The following FHIP1B variants were observed in gnomAD, a reference collection of about 807,000 sequenced individuals.
FHIP1B encodes the protein FHF complex subunit HOOK-interacting protein 1B.
Under a neutral mutation model 82.2 loss-of-function variants are expected in FHIP1B, and 28 were observed. The ratio of observed to expected loss-of-function variants is 0.34; its 90% CI spans 0.25 to 0.47. FHIP1B has a LOEUF of 0.47. FHIP1B is among the 20% of genes least tolerant of loss of function. FHIP1B has a pLI of 1.00. For missense variants in FHIP1B, 1,110 were observed against 1,262.6 expected, an observed-to-expected ratio of 0.88 and a Z score of 1.83; for synonymous variants, 585 against 516.1, an observed-to-expected ratio of 1.13 and a Z score of -1.81.
intron 1 of FHIP1B, among the ~76,000 whole-genome samples, chr11:6,232,801 A>G (rs996906714): frequency 1.3e-5 from 2 of 152,190 alleles, no homozygotes; most frequent in African/African-American, 4.8e-5. Context: ...TATAGAAATA[A>G]TTTTTAAAAT....
At chr11:6,225,098 A>C (rs1490783735) in intron 1 of FHIP1B, among the ~76,000 whole-genome samples, 1 of 152,226 alleles carries the variant, frequency 6.6e-6, no homozygotes, top group Admixed American at 6.5e-5. Flanking sequence ...AGAGTTATCA[A>C]AACAACCAGA....
intron 1 of FHIP1B, among the ~76,000 whole-genome samples, chr11:6,230,788 C>T (rs1847677706): frequency 6.6e-6 from 1 of 152,222 alleles, no homozygotes; most frequent in Non-Finnish European, 1.5e-5. Flanking sequence ...GGAAAGTTCA[C>T]TGGGCAGAGA....
chr11:6,221,971 A>G (rs1437513835), intron 6 of FHIP1B, among the ~76,000 whole-genome samples: 3 of 152,228 alleles, frequency 2.0e-5, no homozygotes. Flanking sequence ...GAAAGTAGAT[A>G]GGTGGGTGGA....
chr11:6,229,935 C>G (rs1008215918), intron 1 of FHIP1B, among the ~76,000 whole-genome samples: 59 of 150,948 alleles, frequency 3.9e-4, no homozygotes, highest in African/African-American at 1.4e-3. Context: ...AGGTTAAAAT[C>G]ACCACCCTCT....
rs1220902805 is a variant in FHIP1B, at chr11:6,223,641, C to T, written c.746G>A (p.Arg249His). ...ALSAGSPTVG[R>H]YIADHSYFCP... is the part of the protein sequence containing the mutation. The stretch of plus-strand genomic sequence containing the variant: ...GAAGTAAGAGTGATCCGCGATGTAG[C>T]GGCCCACAGTGGGGCTCCCAGCTGA... Residue 249 changes from arginine (R) to histidine (H), a missense_variant, in exon 3 of 12, where the codon CGC (arginine) becomes CAC (histidine). Arg to His is a conservative substitution (Grantham distance 29). Coordinates refer to ENST00000449352, the MANE Select transcript of FHIP1B (RefSeq NM_001098794.2). The surrounding 1 kb of genome is among the most constrained non-coding windows in gnomAD (Gnocchi z 4.8). 20 of 1,606,420 alleles carry T rather than the reference C, an allele frequency of 1.2e-5. No homozygotes were observed. Among genetic ancestry groups the T allele is most frequent in the East Asian group, 2.2e-5 (1 of 44,804 alleles).
chr11:6,211,501 G>A lies in FHIP1B; in HGVS notation c.*5C>T. On this transcript the variant is annotated 3_prime_UTR_variant, in exon 12 of 12. Coordinates refer to ENST00000449352, the MANE Select transcript of FHIP1B (RefSeq NM_001098794.2). ...CCCATGGCCCTGATTGTCCATGGAA[G>A]AAAGTTAAGGATTGAGGGGCCCACA... The A allele has an allele frequency of 1.3e-6, 2 of 1,573,734 alleles. No individual in the cohort carries two copies. The highest frequency in any genetic ancestry group is 1.7e-6 in the Non-Finnish European group (2 of 1,163,356).
Position 6,218,143 on chromosome 11 carries a change from T to A in FHIP1B, c.1443A>T (p.Gly481=). Residue 481 remains glycine, a synonymous_variant, in exon 9 of 12, where the codon GGA becomes GGT. Coordinates refer to ENST00000449352, the MANE Select transcript of FHIP1B (RefSeq NM_001098794.2). ...CAGAAGAGGAGTCCACACTTGGGCT[T>A]CCAGGACCTGCAAAGGGAAAAAATA... ...PEHASWARGP[G]SPSVDSSSVT... is the part of the protein sequence containing the mutation. The A allele has an allele frequency of 6.2e-7, 1 of 1,610,808 alleles. No homozygotes were observed. Among genetic ancestry groups the A allele is most frequent in the Non-Finnish European group, 8.5e-7 (1 of 1,178,472 alleles).
chr11:6,220,403 G>A (rs1254721566), intron 6 of FHIP1B, among the ~76,000 whole-genome samples: 1 of 152,148 alleles, frequency 6.6e-6, no homozygotes, highest in Non-Finnish European at 1.5e-5. Flanking sequence ...GCGAGATCCA[G>A]GTCATACATA....
Position 6,223,880 on chromosome 11 carries a change from G to A in FHIP1B, c.507C>T (p.Ser169=). The change falls in exon 3 of 12, where the codon AGC becomes AGT. Residue 169 remains serine (S), a synonymous_variant. Transcript: ENST00000449352. This position sits in a 1 kb window ranked among gnomAD's most constrained non-coding sequence, Gnocchi z 4.8. ...LDACGRPVPS[S]PALDEGLVLL... is the part of the protein sequence containing the mutation. ...GCACCAAGCCTTCATCCAGTGCTGG[G>A]CTACTGGGCACAGGGCGGCCACAGG... is the stretch of plus-strand genomic sequence containing the variant. 1 of 1,614,226 alleles carries A rather than the reference G, an allele frequency of 6.2e-7. No individual in the cohort carries two copies. Among genetic ancestry groups the A allele is most frequent in the Non-Finnish European group, 8.5e-7 (1 of 1,180,038 alleles).
At chr11:6,212,744 A>G (rs1847108033) in intron 11 of FHIP1B, among the ~76,000 whole-genome samples, 1 of 152,234 alleles carries the variant, frequency 6.6e-6, no homozygotes, top group Non-Finnish European at 1.5e-5. Context: ...TAAATTTGGC[A>G]TTCAGAGCCC....
Position 6,224,726 on chromosome 11 carries a change from A to C in FHIP1B, c.-191-19T>G. The stretch of plus-strand genomic sequence containing the variant: ...TCTAAATCTAATTCAGAGAAGAGAT[A>C]ATGGAAGGGATAAATAGAAGCTCAC... On this transcript the variant is annotated intron_variant, in intron 1 of 11. Coordinates refer to ENST00000449352, the MANE Select transcript of FHIP1B (RefSeq NM_001098794.2). 2 of 566,738 alleles carry C rather than the reference A, an allele frequency of 3.5e-6. No homozygotes were observed. The highest frequency in any genetic ancestry group is 6.2e-6 in the Non-Finnish European group (2 of 323,064). 35.1% of individuals were successfully genotyped at this position (566,738 alleles called of 1,614,324 possible). A position where few individuals can be genotyped will look rare whatever the true frequency, so the allele number is the denominator to read the frequency against.
rs1847505428 is a variant in FHIP1B at position 6,224,366 on chromosome 11, TAC to T, written c.138+11_138+12del. ...GATCAGCAGACAAGGCCCTTTGCCA[TAC>T]AGTCTCCTACCTGGGACCAGTGATT... On this transcript the variant is annotated intron_variant, in intron 2 of 11. Coordinates refer to ENST00000449352, the MANE Select transcript of FHIP1B (RefSeq NM_001098794.2). The T allele has an allele frequency of 3.7e-5, 60 of 1,614,108 alleles. No homozygotes were observed. The highest frequency in any genetic ancestry group is 5.1e-5 in the Non-Finnish European group (60 of 1,180,040).
chr11:6,218,444 T>A (rs1381756156), intron 8 of FHIP1B, 156 bp downstream of exon 8: 2 of 1,178,846 alleles, frequency 1.7e-6, no homozygotes, highest in Non-Finnish European at 2.4e-6. Flanking sequence ...TTAAGGGTCC[T>A]CCCTGCAAGA....
At chr11:6,226,804 GT>G (rs1315928243) in intron 1 of FHIP1B, among the ~76,000 whole-genome samples, 4 of 152,142 alleles carry the variant, frequency 2.6e-5, no homozygotes, top group African/African-American at 9.7e-5. Flanking sequence ...AACAAAGGAG[GT>G]TTTTAAACAA....
At chr11:6,234,246 C>T (rs1847781665) in intron 1 of FHIP1B, among the ~76,000 whole-genome samples, 1 of 152,098 alleles carries the variant, frequency 6.6e-6, no homozygotes, top group Non-Finnish European at 1.5e-5. Context: ...GCAGGCCTTA[C>T]CCCTCACTCT....
At chr11:6,225,868 A>G (rs113931135) in intron 1 of FHIP1B, among the ~76,000 whole-genome samples, 107 of 152,352 alleles carry the variant, frequency 7.0e-4, no homozygotes, top group African/African-American at 2.4e-3. Flanking sequence ...CCAGTAAGGA[A>G]GACAGACACA....
At chr11:6,230,972 T>C (rs1847682018) in intron 1 of FHIP1B, among the ~76,000 whole-genome samples, 1 of 152,220 alleles carries the variant, frequency 6.6e-6, no homozygotes, top group Non-Finnish European at 1.5e-5. Context: ...TTAAGAAATT[T>C]GGATGTTGTC....
chr11:6,223,520 G>A lies in FHIP1B; in HGVS notation c.777+90C>T, dbSNP rs1206034470. 2.0e-6 allele frequency: 3 copies of A among 1,465,254 alleles called. No homozygotes were observed. In the African/African-American group the frequency reaches 4.3e-5, roughly 21 times the overall value. 90.8% of individuals were successfully genotyped at this position (1,465,254 alleles called of 1,614,324 possible). A position where few individuals can be genotyped will look rare whatever the true frequency, so the allele number is the denominator to read the frequency against. ...ACTGTTTCCTAGGGGAACGGGCCCT[G>A]GAACATAGCCTCTCCCCATCTCCTG... is the stretch of plus-strand genomic sequence containing the variant. On this transcript the variant is annotated intron_variant, in intron 3 of 11. Coordinates refer to ENST00000449352, the MANE Select transcript of FHIP1B (RefSeq NM_001098794.2). The surrounding 1 kb of genome is among the most constrained non-coding windows in gnomAD (Gnocchi z 4.8).
intron 11 of FHIP1B, among the ~76,000 whole-genome samples, chr11:6,212,553 TGCGGCCAATTTC>T (rs1847102477): frequency 6.6e-6 from 1 of 152,214 alleles, no homozygotes; most frequent in African/African-American, 2.4e-5. Flanking sequence ...TCCCACTGGT[TGCGGCCAATTTC>T]AAGTCAGCTT....
Sources: gnomAD v4.1 joint callset for allele counts (sites outside exome capture counted in the v4.1 genomes callset) on GRCh38, gnomAD v4.1.1 for gene constraint, Gnocchi (gnomAD v3.1) non-coding constraint, MANE v1.5 for transcripts, NCBI Gene and HGNC (gene_info 2026-07-23, HGNC 2026-07-21) for gene names.